EIF4ENIF1: variants seen among roughly 807,000 people sequenced by gnomAD.
The protein encoded by EIF4ENIF1 is eukaryotic translation initiation factor 4E nuclear import factor 1.
EIF4ENIF1 carries 23 observed loss-of-function variants against 110.5 expected under a neutral mutation model. The ratio of observed to expected loss-of-function variants is 0.21; its 90% CI spans 0.15 to 0.29. EIF4ENIF1 has a LOEUF of 0.29. EIF4ENIF1 is among the 10% of genes least tolerant of loss of function. The pLI, the probability that EIF4ENIF1 is intolerant of heterozygous loss-of-function variation, is 1.00. For synonymous variants in EIF4ENIF1, 440 were observed against 437.0 expected, an observed-to-expected ratio of 1.01 and a Z score of -0.09; for missense variants, 1,031 against 1,221.1, an observed-to-expected ratio of 0.84 and a Z score of 2.32.
At chr22:31,457,612 G>C (rs1363717970) in intron 7 of EIF4ENIF1, among the ~76,000 whole-genome samples, 1 of 152,116 alleles carries the variant, frequency 6.6e-6, no homozygotes, top group Non-Finnish European at 1.5e-5. Flanking sequence ...AGTTAAGCAG[G>C]GGAAGCTTAG....
At chr22:31,438,924 C>T (rs899132291), downstream of EIF4ENIF1, among the ~76,000 whole-genome samples, 6 of 152,128 alleles carry the variant, frequency 3.9e-5, no homozygotes, top group South Asian at 1.2e-3. Flanking sequence ...ATTTCACCAT[C>T]TTGGCTAGGA....
At chr22:31,478,899 C>A (rs2051698751) in intron 2 of EIF4ENIF1, among the ~76,000 whole-genome samples, 1 of 148,342 alleles carries the variant, frequency 6.7e-6, no homozygotes, top group African/African-American at 2.5e-5. Context: ...TTGCAGTGAG[C>A]TGAGATCGCA....
intron 15 of EIF4ENIF1, 102 bp from the exon 16 acceptor site, chr22:31,443,196 T>C: frequency 2.0e-6 from 3 of 1,494,376 alleles, no homozygotes; most frequent in Non-Finnish European, 2.7e-6. Context: ...AGTCCCCACA[T>C]TGGTAGCATA....
At chr22:31,487,002 C>T (rs1018872725) in intron 2 of EIF4ENIF1, among the ~76,000 whole-genome samples, 1 of 151,740 alleles carries the variant, frequency 6.6e-6, no homozygotes, top group African/African-American at 2.4e-5. Flanking sequence ...AGGAGAATCA[C>T]TTGAACTTAG....
intron 2 of EIF4ENIF1, among the ~76,000 whole-genome samples, chr22:31,485,728 C>T (rs909857354): frequency 5.3e-5 from 8 of 151,866 alleles, no homozygotes; most frequent in South Asian, 4.2e-4. Flanking sequence ...TGCTTGAACC[C>T]GGGAAGCGGA....
intron 2 of EIF4ENIF1, among the ~76,000 whole-genome samples, chr22:31,474,766 T>G (rs1489714635): frequency 2.0e-5 from 3 of 152,168 alleles, no homozygotes; most frequent in African/African-American, 7.2e-5. Context: ...CTGCCTCCTT[T>G]TGGTATACTT....
intron 2 of EIF4ENIF1, among the ~76,000 whole-genome samples, chr22:31,480,143 C>T (rs1176467916): frequency 1.3e-5 from 2 of 152,184 alleles, no homozygotes; most frequent in East Asian, 3.8e-4. Flanking sequence ...TAGGCAAGAA[C>T]AAGCTGCTAA....
chr22:31,443,217 A>G (rs1601556464), intron 15 of EIF4ENIF1, 123 bp from the exon 16 acceptor site: 3 of 1,373,530 alleles, frequency 2.2e-6, no homozygotes, highest in Non-Finnish European at 2.9e-6. Context: ...GGCCAACTGT[A>G]GTATTCTGTT....
intron 1 of EIF4ENIF1, 54 bp from the exon 2 acceptor site, chr22:31,488,799 T>C: frequency 6.5e-7 from 1 of 1,532,584 alleles, no homozygotes; most frequent in Non-Finnish European, 8.7e-7. Context: ...TTTTCAGAAA[T>C]CTTGGCTGTT....
intron 2 of EIF4ENIF1, among the ~76,000 whole-genome samples, chr22:31,483,209 C>CT (rs60986284): frequency 0.23 from 20,767 of 89,438 alleles, 3,540 homozygotes; most frequent in East Asian, 0.38. Context: ...AGGAGACGAT[C>CT]TTTTTTTTTT....
upstream of EIF4ENIF1, among the ~76,000 whole-genome samples, chr22:31,493,543 C>G (rs190018147): frequency 6.6e-6 from 1 of 152,214 alleles, no homozygotes; most frequent in Non-Finnish European, 1.5e-5. Context: ...CCAGGCTGGT[C>G]TGAACTCCTG....
rs898594607 is a variant in EIF4ENIF1 at position 31,486,438 on chromosome 22, T to A, written c.96+2185A>T. ...GAGATTGCACCACTACACTCCAGCC[T>A]GGGCGACACAGTGAGACTCCGGCTC... On this transcript the variant is annotated intron_variant, in intron 2 of 18. Transcript: ENST00000330125. Among the ~76,000 whole-genome samples the A allele has an allele frequency of 2.0e-5, 3 of 148,918 alleles. No homozygotes were observed. The Admixed American group carries it at 2.0e-4, about 10-fold the overall frequency.
At chr22:31,456,367 G>GCGC (rs1374891049) in intron 7 of EIF4ENIF1, among the ~76,000 whole-genome samples, 1 of 151,760 alleles carries the variant, frequency 6.6e-6, no homozygotes, top group Non-Finnish European at 1.5e-5. Flanking sequence ...GGGACTACAG[G>GCGC]CGCCTGCCAC....
At chr22:31,486,249 G>A (rs1450412933) in intron 2 of EIF4ENIF1, among the ~76,000 whole-genome samples, 6 of 150,268 alleles carry the variant, frequency 4.0e-5, no homozygotes, top group East Asian at 3.9e-4. Context: ...CAGCCTCGGC[G>A]ACAAGAGCGA....
At chr22:31,453,272 T>C (rs1569075793) in intron 10 of EIF4ENIF1, 2 of 316,530 alleles carry the variant, frequency 6.3e-6, no homozygotes, top group Non-Finnish European at 1.3e-5. Context: ...TTGTGTCACC[T>C]TGTAACCTAA....
At chr22:31,444,551 A>C in intron 15 of EIF4ENIF1, 55 bp downstream of exon 15, 1 of 1,555,170 alleles carries the variant, frequency 6.4e-7, no homozygotes, top group Non-Finnish European at 8.9e-7. Context: ...CAATCCATGC[A>C]CAACCAAACA....
intron 16 of EIF4ENIF1, 126 bp from the exon 17 acceptor site, chr22:31,442,244 G>T (rs560533496): frequency 1.3e-4 from 97 of 738,108 alleles, no homozygotes; most frequent in Non-Finnish European, 2.1e-4. Flanking sequence ...CAAGTTTAGA[G>T]GACTACACGG....
At chr22:31,438,851 T>C (rs1210896734), downstream of EIF4ENIF1, among the ~76,000 whole-genome samples, 2 of 151,884 alleles carry the variant, frequency 1.3e-5, no homozygotes, top group African/African-American at 4.8e-5. Context: ...GCCTCCCGAG[T>C]AGCTGGGACT....
At chr22:31,441,128 G>A (rs770666435) in intron 17 of EIF4ENIF1, among the ~76,000 whole-genome samples, 1 of 152,284 alleles carries the variant, frequency 6.6e-6, no homozygotes, top group South Asian at 2.1e-4. Context: ...AGTGGCAGGC[G>A]CCTGTAATCC....
Sources: gnomAD v4.1 joint callset for allele counts (sites outside exome capture counted in the v4.1 genomes callset) on GRCh38, gnomAD v4.1.1 for gene constraint, MANE v1.5 for transcripts, NCBI Gene and HGNC (gene_info 2026-07-23, HGNC 2026-07-21) for gene names.